Variants in EPHA3 observed in about 807,000 individuals in gnomAD.
The protein encoded by EPHA3 is EPH receptor A3, also known as ephrin type-A receptor 3.
In EPHA3, 42 loss-of-function variants were observed where a neutral mutation model predicts 107.1. The observed-to-expected ratio is 0.39, with a 90% CI of 0.31 to 0.51. EPHA3 has a LOEUF of 0.51. EPHA3 is among the 20% of genes least tolerant of loss of function. The pLI, the probability that EPHA3 is intolerant of heterozygous loss-of-function variation, is 0.78. For missense variants in EPHA3, 1,183 were observed against 1,211.2 expected (o/e 0.98, Z 0.35); for synonymous variants, 461 against 424.8 (o/e 1.09, Z -1.05).
chr3:89,273,840 C>A (rs1329477718), intron 3 of EPHA3, among the ~76,000 whole-genome samples: 1 of 151,864 alleles, frequency 6.6e-6, no homozygotes, highest in Non-Finnish European at 1.5e-5. Flanking sequence ...CATGTATTTT[C>A]TCTGTAAGGC....
At chr3:89,426,494 T>C (rs569897233) in intron 11 of EPHA3, among the ~76,000 whole-genome samples, 3 of 151,940 alleles carry the variant, frequency 2.0e-5, no homozygotes, top group Non-Finnish European at 4.4e-5. Flanking sequence ...AACTGATGTG[T>C]TTACAAATAC....
At chr3:89,381,941 C>G (rs1338714925) in intron 5 of EPHA3, among the ~76,000 whole-genome samples, 1 of 151,970 alleles carries the variant, frequency 6.6e-6, no homozygotes, top group African/African-American at 2.4e-5. Context: ...ATAAGCTGTT[C>G]AGTTTGTAGT....
chr3:89,131,342 T>A (rs999635524), intron 2 of EPHA3, among the ~76,000 whole-genome samples: 1 of 152,220 alleles, frequency 6.6e-6, no homozygotes, highest in Non-Finnish European at 1.5e-5. Context: ...AATATTTGAT[T>A]TGGAGAACAA....
intron 10 of EPHA3, among the ~76,000 whole-genome samples, chr3:89,414,958 G>A (rs1638877346): frequency 6.6e-6 from 1 of 151,446 alleles, no homozygotes. Context: ...CATGTTCAGG[G>A]TTTTGCAGCC....
chr3:89,345,028 C>T (rs931649893), intron 5 of EPHA3, among the ~76,000 whole-genome samples: 1 of 151,234 alleles, frequency 6.6e-6, no homozygotes, highest in African/African-American at 2.4e-5. Context: ...ACATAAATTG[C>T]TGCTTTTTGT....
At chr3:89,417,777 C>T (rs1388013748) in intron 10 of EPHA3, among the ~76,000 whole-genome samples, 4 of 151,456 alleles carry the variant, frequency 2.6e-5, no homozygotes, top group Non-Finnish European at 5.9e-5. Context: ...ACCATTATAT[C>T]TATCTCTGTG....
rs1386233725 is a variant in EPHA3 at position 89,431,315 on chromosome 3, T to G, written c.2302T>G (p.Ser768Ala). The change falls in exon 13 of 17, where the codon TCG becomes GCG. Residue 768 changes from serine to alanine, a missense_variant. Ser to Ala is a moderately conservative substitution (Grantham distance 99). Coordinates refer to ENST00000336596, the MANE Select transcript of EPHA3 (RefSeq NM_005233.6). ...GTGTAAGGTTTCTGATTTCGGACTT[T>G]CGCGTGTCCTGGAGGATGACCCAGA... ...LVCKVSDFGL[S>A]RVLEDDPEAA... 1 of 1,613,802 alleles carries G rather than the reference T, an allele frequency of 6.2e-7. No individual in the cohort carries two copies. The highest frequency in any genetic ancestry group is 1.1e-5 in the South Asian group (1 of 91,054).
intron 3 of EPHA3, among the ~76,000 whole-genome samples, chr3:89,273,995 A>G (rs1431930867): frequency 6.6e-6 from 1 of 151,932 alleles, no homozygotes; most frequent in East Asian, 1.9e-4. Context: ...ACAGTGTGAG[A>G]GTTGAAATAA....
At chr3:89,279,993 G>A (rs1705900710) in intron 3 of EPHA3, among the ~76,000 whole-genome samples, 1 of 151,386 alleles carries the variant, frequency 6.6e-6, no homozygotes, top group Admixed American at 6.6e-5. Context: ...TAGAGTTATT[G>A]ATCACAATGT....
chr3:89,374,303 G>A (rs1024201661), intron 5 of EPHA3, among the ~76,000 whole-genome samples: 5 of 151,824 alleles, frequency 3.3e-5, no homozygotes, highest in Non-Finnish European at 7.4e-5. Context: ...ATCTGAAAAC[G>A]TCATGAGTGC....
intron 3 of EPHA3, among the ~76,000 whole-genome samples, chr3:89,297,163 A>T (rs1440031625): frequency 1.3e-5 from 2 of 152,192 alleles, no homozygotes; most frequent in Admixed American, 1.3e-4. Flanking sequence ...TGTTCAATAG[A>T]TTAGTACCTT....
chr3:89,388,710 T>G (rs1708670613), intron 5 of EPHA3, among the ~76,000 whole-genome samples: 1 of 152,240 alleles, frequency 6.6e-6, no homozygotes. Context: ...TCAAATTTTG[T>G]ATCCTACTGT....
At chr3:89,441,377 TG>T (rs1709780970) in intron 13 of EPHA3, among the ~76,000 whole-genome samples, 1 of 152,222 alleles carries the variant, frequency 6.6e-6, no homozygotes, top group South Asian at 2.1e-4. Context: ...GCTATGATTC[TG>T]GGCTTGCTCC....
chr3:89,180,930 G>A (rs1705430249), intron 2 of EPHA3, among the ~76,000 whole-genome samples: 1 of 151,908 alleles, frequency 6.6e-6, no homozygotes, highest in African/African-American at 2.4e-5. Flanking sequence ...AAGAGATTTT[G>A]TCACAGCCTT....
chr3:89,289,055 G>A (rs1010799842), intron 3 of EPHA3, among the ~76,000 whole-genome samples: 13 of 152,058 alleles, frequency 8.5e-5, no homozygotes, highest in African/African-American at 3.1e-4. Context: ...TACTAATCCA[G>A]GTAGTCGTCA....
intron 2 of EPHA3, among the ~76,000 whole-genome samples, chr3:89,160,876 G>A (rs1704921093): frequency 6.6e-6 from 1 of 152,004 alleles, no homozygotes; most frequent in Non-Finnish European, 1.5e-5. Flanking sequence ...CTATTTCAGA[G>A]TGGTTCTCCA....
intron 3 of EPHA3, among the ~76,000 whole-genome samples, chr3:89,259,917 A>AT (rs1705375353): frequency 6.6e-6 from 1 of 151,960 alleles, no homozygotes; most frequent in Admixed American, 6.6e-5. Flanking sequence ...ATCATACAAT[A>AT]TTTTTCTTTC....
At chr3:89,159,090 T>C (rs1264361649) in intron 2 of EPHA3, among the ~76,000 whole-genome samples, 1 of 152,184 alleles carries the variant, frequency 6.6e-6, no homozygotes, top group Non-Finnish European at 1.5e-5. Context: ...TGTACTAATA[T>C]GTCTGGCATA....
chr3:89,278,687 C>T (rs975106276), intron 3 of EPHA3, among the ~76,000 whole-genome samples: 1 of 152,126 alleles, frequency 6.6e-6, no homozygotes, highest in Non-Finnish European at 1.5e-5. Flanking sequence ...GGTCGCTCTG[C>T]TATTTTCAGA....
Sources: gnomAD v4.1 joint callset for allele counts (sites outside exome capture counted in the v4.1 genomes callset) on GRCh38, gnomAD v4.1.1 for gene constraint, MANE v1.5 for transcripts, NCBI Gene and HGNC (gene_info 2026-07-23, HGNC 2026-07-21) for gene names.